SLC6A17: variants seen among roughly 807,000 people sequenced by gnomAD.
The protein encoded by SLC6A17 is solute carrier family 6 member 17.
SLC6A17 carries 21 observed loss-of-function variants against 64.5 expected under a neutral mutation model. That is an observed-to-expected ratio of 0.33 (90% CI 0.23 to 0.47). The LOEUF (loss-of-function observed/expected upper bound fraction) is 0.47, where lower values mean the gene tolerates loss of function less well. Among genes scored for constraint, SLC6A17 ranks in the 20% least tolerant of loss-of-function variants. The probability of loss-of-function intolerance (pLI) is 1.00; values close to 1 mark genes in which losing one functional copy is unlikely to be tolerated. For synonymous variants in SLC6A17, 372 were observed against 399.5 expected, an observed-to-expected ratio of 0.93 and a Z score of 0.82; for missense variants, 682 against 963.2, an observed-to-expected ratio of 0.71 and a Z score of 3.86.
At chr1:110,173,797 CGTGAATGGAG>C (rs1431982964) in intron 3 of SLC6A17, among the ~76,000 whole-genome samples, 166 bp from the exon 4 acceptor site, 2 of 57,996 alleles carry the variant, frequency 3.4e-5, no homozygotes, top group East Asian at 6.4e-4. Context: ...ATGAATGGAG[CGTGAATGGAG>C]CGTGAGGGGA....
chr1:110,161,190 C>T (rs368434694), intron 1 of SLC6A17, among the ~76,000 whole-genome samples: 42 of 151,950 alleles, frequency 2.8e-4, no homozygotes, highest in African/African-American at 1.0e-3. Flanking sequence ...TAATTTGTGT[C>T]TCTGATAATA....
At chr1:110,161,986 G>A (rs940409334) in intron 1 of SLC6A17, among the ~76,000 whole-genome samples, 10 of 152,176 alleles carry the variant, frequency 6.6e-5, no homozygotes, top group Non-Finnish European at 1.0e-4. Flanking sequence ...CACTTGCTCC[G>A]ACCTCCTTCT....
intron 1 of SLC6A17, among the ~76,000 whole-genome samples, chr1:110,166,632 T>C (rs1247416202): frequency 1.3e-5 from 2 of 152,204 alleles, no homozygotes; most frequent in Non-Finnish European, 1.5e-5. Flanking sequence ...TTTCAAATAA[T>C]GCTCGGGTCA....
At chr1:110,172,021 C>A in intron 2 of SLC6A17, 39 bp from the exon 3 acceptor site, 1 of 1,607,976 alleles carries the variant, frequency 6.2e-7, no homozygotes, top group Non-Finnish European at 8.5e-7. Flanking sequence ...TGCTGCTGTG[C>A]TCCAGAGCCC....
intron 6 of SLC6A17, among the ~76,000 whole-genome samples, chr1:110,179,326 T>A (rs1187472711): frequency 1.3e-5 from 2 of 152,216 alleles, no homozygotes; most frequent in Admixed American, 1.3e-4. Flanking sequence ...ATGCATATCT[T>A]CAGTCTTATT....
At chr1:110,156,738 G>A (rs1655771476) in intron 1 of SLC6A17, among the ~76,000 whole-genome samples, 1 of 152,164 alleles carries the variant, frequency 6.6e-6, no homozygotes, top group Non-Finnish European at 1.5e-5. Context: ...CTACAAAGCT[G>A]CACTGGAGGC....
chr1:110,172,331 G>A (rs1656264559), intron 3 of SLC6A17, 114 bp downstream of exon 3: 1 of 1,321,208 alleles, frequency 7.6e-7, no homozygotes, highest in East Asian at 2.6e-5. Context: ...CAAGGGCAGG[G>A]AGGGGGATCC....
chr1:110,173,893 G>GAAAC, intron 3 of SLC6A17, 80 bp from the exon 4 acceptor site: 1 of 1,558,116 alleles, frequency 6.4e-7, no homozygotes, highest in African/African-American at 1.4e-5. Context: ...CGCTGCCGAC[G>GAAAC]TGCTGGGCCT....
At chr1:110,189,382 G>C (rs1439352026) in intron 6 of SLC6A17, among the ~76,000 whole-genome samples, 1 of 151,916 alleles carries the variant, frequency 6.6e-6, no homozygotes, top group Admixed American at 6.6e-5. Context: ...TCCCTCTCCA[G>C]CATCTCCCAT....
At chr1:110,169,701 A>G (rs1206511898) in intron 2 of SLC6A17, among the ~76,000 whole-genome samples, 1 of 152,232 alleles carries the variant, frequency 6.6e-6, no homozygotes, top group Non-Finnish European at 1.5e-5. Flanking sequence ...AACATCCTGA[A>G]CAGTGCTCCC....
At chr1:110,162,524 T>G (rs923988036) in intron 1 of SLC6A17, among the ~76,000 whole-genome samples, 1 of 152,202 alleles carries the variant, frequency 6.6e-6, no homozygotes, top group African/African-American at 2.4e-5. Context: ...TGCTGATGCC[T>G]GGATTATGGC....
rs2100951221 is a variant in SLC6A17 at position 110,195,575 on chromosome 1, G to T, written c.1493-11G>T. 1 of 1,613,878 alleles carries T rather than the reference G, an allele frequency of 6.2e-7. No homozygotes were observed. Among genetic ancestry groups the T allele is most frequent in the South Asian group, 1.1e-5 (1 of 91,050 alleles). On this transcript the variant is annotated splice_polypyrimidine_tract_variant and intron_variant, in intron 9 of 11. Coordinates refer to ENST00000331565, the MANE Select transcript of SLC6A17 (RefSeq NM_001010898.4). ...CCTTTGCCCCCAAACCGGCCTCCCG[G>T]CTCTCTGTAGTGGGCTGCTGTGTCT...
At position 110,194,582 on chromosome 1, in the gene SLC6A17, G is replaced by T; in HGVS notation, c.1303G>T (p.Val435Leu). The T allele has an allele frequency of 6.2e-7, 1 of 1,613,992 alleles. No individual in the cohort carries two copies. Among genetic ancestry groups the T allele is most frequent in the Non-Finnish European group, 8.5e-7 (1 of 1,179,970 alleles). Residue 435 changes from valine to leucine, a missense_variant, in exon 9 of 12, where the codon GTG becomes TTG. This residue lies in a region of SLC6A17 where 415 missense variants were observed against 603.8 expected (regional missense o/e 0.69). Transcript: ENST00000331565. ...CTGCTTTCCACCCCACCTTCAGTCCGTGCAGGGCACAGGCCTGGCCTTCAT... is the reference window on the plus strand; with the variant it reads ...CTGCTTTCCACCCCACCTTCAGTCCTTGCAGGGCACAGGCCTGGCCTTCAT... The part of the protein sequence containing the change: ...CLLEDELDKS[V>L]QGTGLAFIAF...
Position 110,187,247 on chromosome 1 carries a change from G to A in SLC6A17, c.865-4725G>A, listed in dbSNP as rs1026564335. ...AATCAGGCAGAACAATTCGCGAATC[G>A]GGCAGCCTTCCGAGCCAGAGTAGGT... On this transcript the variant is annotated intron_variant, in intron 6 of 11. Transcript: ENST00000331565. Among the ~76,000 whole-genome samples the A allele has an allele frequency of 9.2e-5, 14 of 152,140 alleles. 1 individual carries two copies. Among genetic ancestry groups the A allele is most frequent in the Middle Eastern group, 6.8e-3 (2 of 294 alleles).
At chr1:110,197,952 C>A (rs1431787399) in intron 11 of SLC6A17, 124 bp from the exon 12 acceptor site, 2 of 1,467,908 alleles carry the variant, frequency 1.4e-6, no homozygotes, top group Non-Finnish European at 1.8e-6. Context: ...TGTGCCTGGC[C>A]AGGATGGTGG....
chr1:110,177,248 G>A (rs1656399393), intron 6 of SLC6A17, among the ~76,000 whole-genome samples: 1 of 152,198 alleles, frequency 6.6e-6, no homozygotes, highest in Admixed American at 6.5e-5. Flanking sequence ...TCAGAGGAAA[G>A]AAGTTACTAT....
chr1:110,174,647 G>A, intron 4 of SLC6A17, 132 bp from the exon 5 acceptor site: 1 of 1,126,916 alleles, frequency 8.9e-7, no homozygotes, highest in Non-Finnish European at 1.3e-6. Flanking sequence ...AACCCAAGAT[G>A]AGCACAGCCC....
At chr1:110,160,803 T>C (rs1570979358) in intron 1 of SLC6A17, among the ~76,000 whole-genome samples, 2 of 152,198 alleles carry the variant, frequency 1.3e-5, no homozygotes, top group East Asian at 3.9e-4. Context: ...GGGGCCCAAA[T>C]GCCTGGGAAA....
rs372468470 is a variant in SLC6A17 at position 110,176,861 on chromosome 1, C to G, written c.864+122C>G. ...CACCTGCTATGTGTTGGGTATCGTA[C>G]CAGGCCCTGGAGAGATGCACAGGGA... is the stretch of plus-strand genomic sequence containing the variant. On this transcript the variant is annotated intron_variant, in intron 6 of 11. Coordinates refer to ENST00000331565, the MANE Select transcript of SLC6A17 (RefSeq NM_001010898.4). The G allele has an allele frequency of 1.4e-4, 121 of 871,452 alleles. 2 individuals are homozygous for G. In the East Asian group the frequency reaches 2.0e-3, roughly 14 times the overall value. 54.0% of individuals were successfully genotyped at this position (871,452 alleles called of 1,614,324 possible).
Sources: gnomAD v4.1 joint callset for allele counts (sites outside exome capture counted in the v4.1 genomes callset) on GRCh38, gnomAD v4.1.1 for gene constraint, gnomAD v4.1.1 regional missense constraint, MANE v1.5 for transcripts, NCBI Gene and HGNC (gene_info 2026-07-23, HGNC 2026-07-21) for gene names.